The following HRH1 variants were observed in gnomAD, a reference collection of about 807,000 sequenced individuals.
The protein encoded by HRH1 is histamine H1 receptor.
Under a neutral mutation model 10.3 loss-of-function variants are expected in HRH1, and 6 were observed. That is an observed-to-expected ratio of 0.58 (90% confidence interval 0.32 to 1.15). The LOEUF (loss-of-function observed/expected upper bound fraction) is 1.15. Ranked by LOEUF, HRH1 falls within the 50% of genes most tolerant of loss-of-function variation. HRH1 has a pLI of 0.05. For missense variants in HRH1, 514 were observed against 615.3 expected (o/e 0.84, Z 1.74); for synonymous variants, 242 against 236.7 (o/e 1.02, Z -0.21).
chr3:11,172,600 C>T (rs993415113), intron 1 of HRH1, among the ~76,000 whole-genome samples: 3 of 152,062 alleles, frequency 2.0e-5, no homozygotes, highest in African/African-American at 7.3e-5. Context: ...ATGCTTACAC[C>T]AGCCCCTGGG....
At chr3:11,245,366 G>A (rs1939451570) in intron 1 of HRH1, among the ~76,000 whole-genome samples, 4 of 150,762 alleles carry the variant, frequency 2.7e-5, no homozygotes. Context: ...AAAAAAAATA[G>A]AGAAACCCTG....
At chr3:11,212,415 A>G (rs979797706) in intron 1 of HRH1, among the ~76,000 whole-genome samples, 12 of 152,140 alleles carry the variant, frequency 7.9e-5, no homozygotes, top group African/African-American at 2.9e-4. Flanking sequence ...TCTTGTTAGC[A>G]AAGGACATAT....
At chr3:11,173,431 C>T (rs1034538466) in intron 1 of HRH1, among the ~76,000 whole-genome samples, 2 of 151,620 alleles carry the variant, frequency 1.3e-5, no homozygotes, top group African/African-American at 4.8e-5. Flanking sequence ...GAGATGGAGT[C>T]TCGCTCTGTC....
At chr3:11,240,041 T>C (rs1939293012) in intron 1 of HRH1, among the ~76,000 whole-genome samples, 2 of 152,272 alleles carry the variant, frequency 1.3e-5, no homozygotes, top group East Asian at 1.9e-4. Context: ...GGGTCAGAGA[T>C]AACTTCTGGT....
At chr3:11,138,583 T>C (rs1936230522) in intron 1 of HRH1, among the ~76,000 whole-genome samples, 1 of 152,166 alleles carries the variant, frequency 6.6e-6, no homozygotes, top group South Asian at 2.1e-4. Context: ...TTTGGCAAGT[T>C]CCTCAAAAAG....
intron 1 of HRH1, among the ~76,000 whole-genome samples, chr3:11,229,893 A>G (rs1204554307): frequency 6.6e-6 from 1 of 152,234 alleles, no homozygotes; most frequent in Non-Finnish European, 1.5e-5. Flanking sequence ...ATAGATCAGC[A>G]AGAATTATAA....
chr3:11,164,232 G>A (rs1394099261), intron 1 of HRH1, among the ~76,000 whole-genome samples: 2 of 152,198 alleles, frequency 1.3e-5, no homozygotes, highest in Non-Finnish European at 2.9e-5. Context: ...ATGCCTTAGA[G>A]AGCGACAGGG....
chr3:11,178,530 G>A (rs1937289867), intron 1 of HRH1, among the ~76,000 whole-genome samples: 1 of 152,274 alleles, frequency 6.6e-6, no homozygotes, highest in African/African-American at 2.4e-5. Flanking sequence ...TTTCTGCAGC[G>A]GGGTGCTGTG....
intron 1 of HRH1, among the ~76,000 whole-genome samples, chr3:11,197,776 A>G (rs907619119): frequency 6.6e-6 from 1 of 152,138 alleles, no homozygotes; most frequent in Non-Finnish European, 1.5e-5. Context: ...TAATTGAAGG[A>G]AAAAAACAGC....
Position 11,259,191 on chromosome 3 carries a change from G to T in HRH1, c.154G>T (p.Val52Leu), listed in dbSNP as rs558735895. Residue 52 changes from valine to leucine, a missense_variant, in exon 2 of 2, where the codon GTA (valine) becomes TTA (leucine). By Grantham distance (32) the Val-to-Leu change is conservative (BLOSUM62 1). Transcript: ENST00000431010. The surrounding 1 kb of genome is among the most constrained non-coding windows in gnomAD (Gnocchi z 4.6). ...VGLNLLVLYA[V>L]RSERKLHTVG... ...GCTCAACCTGCTGGTGCTGTATGCC[G>T]TACGGAGTGAGCGGAAGCTCCACAC... is the stretch of plus-strand genomic sequence containing the variant. 6.2e-7 allele frequency: 1 copy of T among 1,613,750 alleles called. No homozygotes were observed. The highest frequency in any genetic ancestry group is 8.5e-7 in the Non-Finnish European group (1 of 1,179,992).
chr3:11,190,831 T>C (rs1937520853), intron 1 of HRH1, among the ~76,000 whole-genome samples: 1 of 152,064 alleles, frequency 6.6e-6, no homozygotes, highest in African/African-American at 2.4e-5. Flanking sequence ...CGCTCTGAAA[T>C]TGTGGCTCCA....
intron 1 of HRH1, among the ~76,000 whole-genome samples, chr3:11,231,263 T>C (rs959499257): frequency 3.3e-5 from 5 of 152,268 alleles, no homozygotes; most frequent in Non-Finnish European, 7.3e-5. Flanking sequence ...GTTTCCAGCA[T>C]TGAGCTATTA....
chr3:11,243,406 C>T (rs1939400922), intron 1 of HRH1, among the ~76,000 whole-genome samples: 1 of 152,188 alleles, frequency 6.6e-6, no homozygotes. Context: ...CCTGGAGTTG[C>T]TCCCCATTTA....
At chr3:11,191,438 A>G (rs1937527551) in intron 1 of HRH1, among the ~76,000 whole-genome samples, 1 of 152,202 alleles carries the variant, frequency 6.6e-6, no homozygotes, top group African/African-American at 2.4e-5. Flanking sequence ...CCAAAGAACC[A>G]TATTCTAGGA....
chr3:11,234,515 A>G (rs1226732208), intron 1 of HRH1: 2 of 1,427,680 alleles, frequency 1.4e-6, no homozygotes, highest in Admixed American at 1.7e-5. Context: ...CATTCCCCCA[A>G]GGCATGGACG....
intron 1 of HRH1, among the ~76,000 whole-genome samples, chr3:11,222,972 GT>G (rs1403515466): frequency 6.6e-6 from 1 of 151,986 alleles, no homozygotes; most frequent in Non-Finnish European, 1.5e-5. Flanking sequence ...GGATCATGAG[GT>G]CAAGAGATCA....
chr3:11,238,520 T>G (rs544200033), intron 1 of HRH1, among the ~76,000 whole-genome samples: 1 of 152,330 alleles, frequency 6.6e-6, no homozygotes, highest in South Asian at 2.1e-4. Flanking sequence ...CTTCATCCAC[T>G]GAAAAATTTT....
chr3:11,251,346 G>A (rs1939645588), intron 1 of HRH1, among the ~76,000 whole-genome samples: 1 of 152,132 alleles, frequency 6.6e-6, no homozygotes, highest in African/African-American at 2.4e-5. Context: ...TGTTAATAAG[G>A]CCTCGCTCTG....
intron 1 of HRH1, among the ~76,000 whole-genome samples, chr3:11,163,188 C>T (rs1194722892): frequency 6.6e-6 from 1 of 152,134 alleles, no homozygotes; most frequent in East Asian, 1.9e-4. Flanking sequence ...CACCCCATCC[C>T]AGCCTCAACG....
Sources: gnomAD v4.1 joint callset for allele counts (sites outside exome capture counted in the v4.1 genomes callset) on GRCh38, gnomAD v4.1.1 for gene constraint, Gnocchi (gnomAD v3.1) non-coding constraint, MANE v1.5 for transcripts, NCBI Gene and HGNC (gene_info 2026-07-23, HGNC 2026-07-21) for gene names.